Variants in CTSK observed in about 807,000 individuals in gnomAD.
CTSK encodes the protein cathepsin O.
CTSK carries 26 observed loss-of-function variants against 40.5 expected under a neutral mutation model. The observed-to-expected ratio is 0.64, with a 90% confidence interval of 0.47 to 0.89. CTSK has a LOEUF of 0.89. Ranked by LOEUF, CTSK falls within the 40% of genes least tolerant of loss-of-function variation. CTSK has a pLI of 0.00. For synonymous variants in CTSK, 132 were observed against 143.2 expected (o/e 0.92, Z 0.56); for missense variants, 292 against 400.1 (o/e 0.73, Z 2.30).
intron 5 of CTSK, among the ~76,000 whole-genome samples, chr1:150,803,326 A>G (rs1371834671): frequency 6.6e-6 from 1 of 152,232 alleles, no homozygotes; most frequent in African/African-American, 2.4e-5. Flanking sequence ...ATGAGATTAA[A>G]TGAAAAAAAG....
chr1:150,806,334 T>G (rs980350501), intron 2 of CTSK, 110 bp from the exon 3 acceptor site: 40 of 1,285,210 alleles, frequency 3.1e-5, no homozygotes, highest in Non-Finnish European at 4.4e-6. Flanking sequence ...AGTTTACAGT[T>G]TAGTTGGGGA....
chr1:150,807,082 A>T (rs753715942), intron 1 of CTSK, among the ~76,000 whole-genome samples: 184 of 20,988 alleles, frequency 8.8e-3, no homozygotes, highest in African/African-American at 0.029. Context: ...TCTCTCTCTC[A>T]CACACACACA....
At chr1:150,807,881 TCTC>T (rs976783546) in intron 1 of CTSK, among the ~76,000 whole-genome samples, 2 of 152,108 alleles carry the variant, frequency 1.3e-5, no homozygotes, top group African/African-American at 4.8e-5. Context: ...CCCATACCAC[TCTC>T]CTCCTCCTCA....
At chr1:150,803,437 C>T (rs1654030158) in intron 5 of CTSK, among the ~76,000 whole-genome samples, 2 of 152,152 alleles carry the variant, frequency 1.3e-5, no homozygotes, top group Non-Finnish European at 2.9e-5. Context: ...GTTGTGAAGG[C>T]CCTACATTAT....
Position 150,808,256 on chromosome 1 carries a change from AGT to A in CTSK, c.-46_-45del, listed in dbSNP as rs1654167345. ...TTGTCTGGCTTCGTTTCGGCAGCAAAGTGTGGGCACACCATCAGGGGTGCTAG... is the reference window on the plus strand; with the variant it reads ...TTGTCTGGCTTCGTTTCGGCAGCAAAGTGGGCACACCATCAGGGGTGCTAG... On this transcript the variant is annotated 5_prime_UTR_variant, in exon 1 of 8. Transcript: ENST00000271651. 6.6e-6 allele frequency: 1 copy of A among 152,574 alleles called. No homozygotes were observed. The highest frequency in any genetic ancestry group is 2.1e-4 in the South Asian group (1 of 4,838). 9.5% of individuals were successfully genotyped at this position (152,574 alleles called of 1,614,324 possible). A position where few individuals can be genotyped will look rare whatever the true frequency, so the allele number is the denominator to read the frequency against.
Position 150,805,945 on chromosome 1 carries a change from G to T in CTSK, c.315C>A (p.Thr105=). The T allele has an allele frequency of 6.2e-7, 1 of 1,614,102 alleles. No homozygotes were observed. The highest frequency in any genetic ancestry group is 1.1e-5 in the South Asian group (1 of 91,078). Residue 105 remains threonine (T), a synonymous_variant, in exon 4 of 8, where the codon ACC becomes ACA. Transcript: ENST00000271651. The stretch of plus-strand genomic sequence containing the variant: ...TACCTTCCCATTCTGGGATATAAAG[G>T]GTGTCATTACTGCGGGAATGAGACA... ...VPLSHSRSND[T]LYIPEWEGRA...
rs778490830 is a variant in CTSK, at chr1:150,796,888, T to C, written c.901A>G (p.Asn301Asp). 1 of 1,613,286 alleles carries C rather than the reference T, an allele frequency of 6.2e-7. No individual in the cohort carries two copies. Among genetic ancestry groups the C allele is most frequent in the Non-Finnish European group, 8.5e-7 (1 of 1,179,212 alleles). ...AGGATATATCCTTTGTTTCCCCAGT[T>C]TTCTCCCCAGCTGTAAGACCAATCA... Reference protein sequence around the residue: ...HWIIKNSWGENWGNKGYILMA... With the variant: ...HWIIKNSWGEDWGNKGYILMA... Residue 301 changes from asparagine (N) to aspartate (D), a missense_variant, in exon 8 of 8, where the codon AAC (asparagine) becomes GAC (aspartate). By Grantham distance (23) the Asn-to-Asp change is conservative. Coordinates refer to ENST00000271651, the MANE Select transcript of CTSK (RefSeq NM_000396.4).
At position 150,797,054 on chromosome 1, in the gene CTSK, T is replaced by C. The variant is rs146363993; in HGVS notation, c.891-156A>G. Among the ~76,000 whole-genome samples the C allele has an allele frequency of 2.5e-3, 384 of 152,340 alleles. 2 individuals are homozygous for C. The highest frequency in any genetic ancestry group is 7.4e-3 in the African/African-American group (306 of 41,590). On this transcript the variant is annotated intron_variant, in intron 7 of 7. Coordinates refer to ENST00000271651, the MANE Select transcript of CTSK (RefSeq NM_000396.4). ...AAAGTCAAGAAATAGGGAGAAGGCATAATACTGTAGGTATCAAAGGAGGGA... is the reference window on the plus strand; with the variant it reads ...AAAGTCAAGAAATAGGGAGAAGGCACAATACTGTAGGTATCAAAGGAGGGA...
rs1654084532 is a variant in CTSK, at chr1:150,806,010, C to T, written c.250G>A (p.Glu84Lys). The T allele has an allele frequency of 1.9e-6, 3 of 1,614,026 alleles. No homozygotes were observed. The highest frequency in any genetic ancestry group is 1.7e-5 in the Admixed American group (1 of 59,992). Residue 84 changes from glutamate to lysine, a missense_variant, in exon 4 of 8, where the codon GAA becomes AAA. Glu to Lys is a moderately conservative substitution (Grantham distance 56). Transcript: ENST00000271651. The stretch of plus-strand genomic sequence containing the variant: ...CCAGTCATCTTCTGAACCACCTCTT[C>T]ACTGGTCTAAGACAAAGAAGAAAGA... Reference protein sequence around the residue: ...AMNHLGDMTSEEVVQKMTGLK... With the variant: ...AMNHLGDMTSKEVVQKMTGLK...
chr1:150,807,179 C>T (rs1316615446), intron 1 of CTSK: 6 of 455,508 alleles, frequency 1.3e-5, no homozygotes, highest in South Asian at 5.0e-5. Context: ...GGGCTCAGTG[C>T]GTTTCCTCCA....
intron 2 of CTSK, 114 bp from the exon 3 acceptor site, chr1:150,806,338 T>C (rs184046317): frequency 4.7e-5 from 58 of 1,230,752 alleles, no homozygotes; most frequent in Admixed American, 8.3e-5. Context: ...TACAGTTTAG[T>C]TGGGGAACTA....
In CTSK at chr1:150,807,909, G is replaced by A. The variant is rs587766369; in HGVS notation, c.-2+305C>T. On this transcript the variant is annotated intron_variant, in intron 1 of 7. Coordinates refer to ENST00000271651, the MANE Select transcript of CTSK (RefSeq NM_000396.4). The stretch of plus-strand genomic sequence containing the variant: ...CCTCCTCCTCACTAAGGAGTTAACC[G>A]TTTTGATCCTTGTTGGCCAAAGTAG... Among the ~76,000 whole-genome samples, 6 of 152,222 alleles carry A rather than the reference G, an allele frequency of 3.9e-5. No homozygotes were observed. The East Asian group carries it at 5.8e-4, about 15-fold the overall frequency.
intron 5 of CTSK, among the ~76,000 whole-genome samples, chr1:150,802,134 C>T (rs192673635): frequency 2.6e-5 from 4 of 151,486 alleles, no homozygotes; most frequent in Admixed American, 6.6e-5. Context: ...AAAAACTAGC[C>T]GGGCGTGGTT....
intron 2 of CTSK, 55 bp downstream of exon 2, chr1:150,806,630 AT>A: frequency 6.2e-7 from 1 of 1,611,392 alleles, no homozygotes; most frequent in Non-Finnish European, 8.5e-7. Flanking sequence ...GGAAGCTAAG[AT>A]GAGAGAGCTC....
chr1:150,804,582 A>G (rs185858598), intron 4 of CTSK, among the ~76,000 whole-genome samples: 1 of 152,354 alleles, frequency 6.6e-6, no homozygotes, highest in Admixed American at 6.5e-5. Flanking sequence ...ATATTGTTAT[A>G]AGGATTAAAT....
intron 2 of CTSK, 52 bp downstream of exon 2, chr1:150,806,634 G>C (rs1163140316): frequency 1.9e-6 from 3 of 1,611,938 alleles, no homozygotes; most frequent in Admixed American, 3.3e-5. Context: ...GCTAAGATGA[G>C]AGAGCTCAGG....
In CTSK at chr1:150,802,062, G is replaced by A. The variant is rs370382651; in HGVS notation, c.618+1959C>T. Among the ~76,000 whole-genome samples the A allele has an allele frequency of 5.3e-4, 79 of 149,232 alleles. 1 individual carries two copies. The highest frequency in any genetic ancestry group is 1.9e-3 in the African/African-American group (77 of 40,560). On this transcript the variant is annotated intron_variant, in intron 5 of 7. Transcript: ENST00000271651. ...GGAGGCCGAGGCGGGCGGACCACCTGAGGTCAGGGGTTCAAGACCAGCCTG... is the reference window on the plus strand; with the variant it reads ...GGAGGCCGAGGCGGGCGGACCACCTAAGGTCAGGGGTTCAAGACCAGCCTG...
chr1:150,806,277 A>G, intron 2 of CTSK, 53 bp from the exon 3 acceptor site: 1 of 1,597,642 alleles, frequency 6.3e-7, no homozygotes, highest in African/African-American at 1.3e-5. Context: ...TACATATGTA[A>G]TATTGTGAAG....
chr1:150,805,919 C>T lies in CTSK; in HGVS notation c.341G>A (p.Arg114Lys), dbSNP rs772730842. The T allele has an allele frequency of 6.2e-7, 1 of 1,614,190 alleles. No homozygotes were observed. The highest frequency in any genetic ancestry group is 8.5e-7 in the Non-Finnish European group (1 of 1,180,022). Residue 114 changes from arginine (R) to lysine (K), a missense_variant, in exon 4 of 8, where the codon AGA becomes AAA. Coordinates refer to ENST00000271651, the MANE Select transcript of CTSK (RefSeq NM_000396.4). ...DTLYIPEWEG[R>K]APDSVDYRKK... ...TCGATAGTCGACAGAGTCTGGGGCT[C>T]TACCTTCCCATTCTGGGATATAAAG...
Sources: gnomAD v4.1 joint callset for allele counts (sites outside exome capture counted in the v4.1 genomes callset) on GRCh38, gnomAD v4.1.1 for gene constraint, MANE v1.5 for transcripts, NCBI Gene and HGNC (gene_info 2026-07-23, HGNC 2026-07-21) for gene names.